LHFPL4: variants seen among roughly 807,000 people sequenced by gnomAD.
LHFPL4 encodes LHFPL tetraspan subfamily member 4, also known as LHFPL tetraspan subfamily member 4 protein.
LHFPL4 carries 6 observed loss-of-function variants against 20.0 expected under a neutral mutation model. That is an observed-to-expected ratio of 0.30 (90% CI 0.16 to 0.59). The LOEUF (loss-of-function observed/expected upper bound fraction) is 0.59, where lower values mean the gene tolerates loss of function less well. Ranked by LOEUF, LHFPL4 falls within the 20% of genes least tolerant of loss-of-function variation. The probability of loss-of-function intolerance (pLI) is 0.88; values close to 1 mark genes in which losing one functional copy is unlikely to be tolerated. For missense variants in LHFPL4, 215 were observed against 331.2 expected (o/e 0.65, Z 2.72); for synonymous variants, 129 against 143.8 (o/e 0.90, Z 0.74).
chr3:9,519,166 T>A (rs1006803759), intron 2 of LHFPL4, among the ~76,000 whole-genome samples: 3 of 152,164 alleles, frequency 2.0e-5, no homozygotes, highest in African/African-American at 7.2e-5. Context: ...CTCGAACTCC[T>A]GACCTCAGGC....
chr3:9,519,954 G>A (rs765825921), intron 2 of LHFPL4, among the ~76,000 whole-genome samples: 7 of 151,902 alleles, frequency 4.6e-5, no homozygotes, highest in Non-Finnish European at 1.0e-4. Flanking sequence ...TCACCATCCT[G>A]GTTGATTTTT....
chr3:9,523,077 G>GAAGA (rs752981499), intron 2 of LHFPL4, among the ~76,000 whole-genome samples: 7 of 114,074 alleles, frequency 6.1e-5, no homozygotes, highest in Non-Finnish European at 1.1e-4. Context: ...GAAAGAAAAG[G>GAAGA]AAGAAAGAAA....
chr3:9,546,286 G>C (rs1384353672), intron 2 of LHFPL4, among the ~76,000 whole-genome samples: 1 of 148,382 alleles, frequency 6.7e-6, no homozygotes, highest in Non-Finnish European at 1.5e-5. Context: ...CTGCACTCCA[G>C]CCTAGGTGAC....
intron 2 of LHFPL4, among the ~76,000 whole-genome samples, chr3:9,531,832 C>T (rs2046411100): frequency 7.8e-6 from 1 of 127,502 alleles, no homozygotes; most frequent in Admixed American, 7.5e-5. Flanking sequence ...AAAGAAAAGA[C>T]TAAAAAACTA....
At position 9,552,410 on chromosome 3, in the gene LHFPL4, G is replaced by T. The variant is rs1207493702; in HGVS notation, c.270C>A (p.Ser90Arg). The change falls in exon 2 of 4, where the codon AGC becomes AGA. Residue 90 changes from serine to arginine, a missense_variant. Physicochemically the swap from Ser to Arg is moderately radical, Grantham distance 110 (BLOSUM62 -1). Around this residue, in one of 2 missense-constraint regions of LHFPL4, gnomAD observed 164 missense variants for 286.7 expected, o/e 0.57. Coordinates refer to ENST00000287585, the MANE Select transcript of LHFPL4 (RefSeq NM_198560.3). Reference sequence around the variant, plus strand: ...CGAAGAAGGCGGCCGCCTTGAAGGCGCTGGACGGGATGGTGCTGAAGTCGG... The same window carrying T: ...CGAAGAAGGCGGCCGCCTTGAAGGCTCTGGACGGGATGGTGCTGAAGTCGG... ...SFTDFSTIPS[S>R]AFKAAAFFVL... 3 of 1,613,792 alleles carry T rather than the reference G, an allele frequency of 1.9e-6. No individual in the cohort carries two copies. Among genetic ancestry groups the T allele is most frequent in the Non-Finnish European group, 2.5e-6 (3 of 1,180,018 alleles).
intron 2 of LHFPL4, among the ~76,000 whole-genome samples, chr3:9,515,710 T>G (rs1057054477): frequency 2.0e-5 from 3 of 150,342 alleles, no homozygotes; most frequent in Non-Finnish European, 4.4e-5. Context: ...CAGTCCTTTA[T>G]CAGATATGTC....
chr3:9,505,860 G>C (rs748211971), intron 3 of LHFPL4, 107 bp downstream of exon 3: 3 of 1,101,378 alleles, frequency 2.7e-6, no homozygotes, highest in Non-Finnish European at 4.0e-6. Flanking sequence ...CGCCCAGCCA[G>C]GGTTTCCAAT....
chr3:9,529,177 T>C lies in LHFPL4; in HGVS notation c.407-22974A>G, dbSNP rs774693153. ...CCAAGTAGCTGGGACTACAGGTGCGTGCCACCACACCCAGCTAATTTTTGT... is the reference window on the plus strand; with the variant it reads ...CCAAGTAGCTGGGACTACAGGTGCGCGCCACCACACCCAGCTAATTTTTGT... On this transcript the variant is annotated intron_variant, in intron 2 of 3. Coordinates refer to ENST00000287585, the MANE Select transcript of LHFPL4 (RefSeq NM_198560.3). Among the ~76,000 whole-genome samples, 7 of 152,008 alleles carry C rather than the reference T, an allele frequency of 4.6e-5. No individual in the cohort carries two copies. The South Asian group carries it at 1.5e-3, about 32-fold the overall frequency.
chr3:9,521,283 G>C (rs1405603498), intron 2 of LHFPL4, among the ~76,000 whole-genome samples: 3 of 147,598 alleles, frequency 2.0e-5, no homozygotes, highest in Non-Finnish European at 4.4e-5. Context: ...GGAGTGCAGT[G>C]GTACGATCAT....
rs183552944 is a variant in LHFPL4 at position 9,512,431 on chromosome 3, T to C, written c.407-6228A>G. On this transcript the variant is annotated intron_variant, in intron 2 of 3. Coordinates refer to ENST00000287585, the MANE Select transcript of LHFPL4 (RefSeq NM_198560.3). Reference sequence around the variant, plus strand: ...TCTTGGCAGAGTGGGAAAATAATCCTGAACAAAGGACTTTTTCTAGATATT... The same window carrying C: ...TCTTGGCAGAGTGGGAAAATAATCCCGAACAAAGGACTTTTTCTAGATATT... Among the ~76,000 whole-genome samples the C allele has an allele frequency of 4.6e-4, 70 of 152,346 alleles. 1 individual carries two copies. In the East Asian group the frequency reaches 0.012, roughly 27 times the overall value.
chr3:9,505,835 A>G (rs1367871070), intron 3 of LHFPL4, 132 bp downstream of exon 3: 7 of 842,168 alleles, frequency 8.3e-6, no homozygotes, highest in Admixed American at 2.0e-5. Flanking sequence ...CTGGGATTAT[A>G]GGCGTGAGCC....
At chr3:9,507,101 C>T (rs1004580379) in intron 2 of LHFPL4, among the ~76,000 whole-genome samples, 1 of 152,224 alleles carries the variant, frequency 6.6e-6, no homozygotes, top group Non-Finnish European at 1.5e-5. Flanking sequence ...AGGCCTGTTT[C>T]AGTCAATACC....
rs1413839284 is a variant in LHFPL4 at position 9,501,197 on chromosome 3, A to T, written c.*1014T>A. The T allele has an allele frequency of 6.5e-6, 1 of 152,736 alleles. No individual in the cohort carries two copies. The highest frequency in any genetic ancestry group is 6.5e-5 in the Admixed American group (1 of 15,286). The allele number at this position is 152,736 out of a possible 1,614,324, so 9.5% of individuals were successfully genotyped here. ...CAGAAAAGTATCAAAGAGACAAGACAGTCTCTGCCCTTGGTAGACGCCTGG... is the reference window on the plus strand; with the variant it reads ...CAGAAAAGTATCAAAGAGACAAGACTGTCTCTGCCCTTGGTAGACGCCTGG... On this transcript the variant is annotated 3_prime_UTR_variant, in exon 4 of 4. Transcript: ENST00000287585.
Position 9,499,603 on chromosome 3 carries a change from C to A in LHFPL4, c.*2608G>T, listed in dbSNP as rs929274705. On this transcript the variant is annotated 3_prime_UTR_variant, in exon 4 of 4. Coordinates refer to ENST00000287585, the MANE Select transcript of LHFPL4 (RefSeq NM_198560.3). ...CTGACCCACTCCTAAGTCAGCTGGACCCACTACGTCCTCTGAAGTGGCTTC... is the reference window on the plus strand; with the variant it reads ...CTGACCCACTCCTAAGTCAGCTGGAACCACTACGTCCTCTGAAGTGGCTTC... 6.6e-6 allele frequency: 1 copy of A among 152,324 alleles called. No homozygotes were observed. The highest frequency in any genetic ancestry group is 1.9e-4 in the East Asian group (1 of 5,194). 9.4% of individuals were successfully genotyped at this position (152,324 alleles called of 1,614,324 possible).
At chr3:9,524,666 G>A (rs7632495) in intron 2 of LHFPL4, among the ~76,000 whole-genome samples, 1,965 of 152,130 alleles carry the variant, frequency 0.013, 38 homozygotes, top group African/African-American at 0.045. Flanking sequence ...TAATTTATTT[G>A]TCAGAGCCAT....
intron 2 of LHFPL4, among the ~76,000 whole-genome samples, chr3:9,523,524 A>G (rs143594552): frequency 0.021 from 3,104 of 150,824 alleles, 108 homozygotes; most frequent in African/African-American, 0.072. Context: ...CCAGGCTGGA[A>G]TGCAGTGGTG....
At chr3:9,508,154 C>G (rs1011411050) in intron 2 of LHFPL4, among the ~76,000 whole-genome samples, 3 of 152,206 alleles carry the variant, frequency 2.0e-5, no homozygotes, top group African/African-American at 7.2e-5. Context: ...AGCTCCCTCC[C>G]ACATCTACCA....
intron 2 of LHFPL4, among the ~76,000 whole-genome samples, chr3:9,544,142 G>A (rs190901939): frequency 2.6e-5 from 4 of 152,186 alleles, no homozygotes; most frequent in Non-Finnish European, 4.4e-5. Context: ...ACTGGTAATG[G>A]GGGTTGTCTC....
At chr3:9,534,293 G>A (rs889009941) in intron 2 of LHFPL4, among the ~76,000 whole-genome samples, 4 of 151,958 alleles carry the variant, frequency 2.6e-5, no homozygotes, top group Admixed American at 1.3e-4. Context: ...AATGCCCACC[G>A]ATAGGTAACT....
Sources: allele counts gnomAD v4.1 joint callset (sites outside exome capture counted in the v4.1 genomes callset), GRCh38; gene constraint gnomAD v4.1.1; regional missense constraint gnomAD v4.1.1; transcripts MANE v1.5; gene names NCBI Gene and HGNC (gene_info 2026-07-23, HGNC 2026-07-21).